The following CCDC178 variants were observed in gnomAD, a reference collection of about 807,000 sequenced individuals.
The protein encoded by CCDC178 is coiled-coil domain containing 178.
Under a neutral mutation model 117.4 loss-of-function variants are expected in CCDC178, and 126 were observed. That is an observed-to-expected ratio of 1.07 (90% confidence interval 0.93 to 1.24). CCDC178 has a LOEUF of 1.24. CCDC178 is among the 50% of genes most tolerant of loss of function. The pLI is 0.00. For synonymous variants in CCDC178, 283 were observed against 313.4 expected (o/e 0.90, Z 1.02); for missense variants, 1,030 against 986.9 (o/e 1.04, Z -0.59).
chr18:33,243,439 T>C (rs1237437908), intron 15 of CCDC178, among the ~76,000 whole-genome samples: 1 of 151,952 alleles, frequency 6.6e-6, no homozygotes, highest in African/African-American at 2.4e-5. Flanking sequence ...TTTGAGATGA[T>C]GGGTATGTTA....
intron 22 of CCDC178, among the ~76,000 whole-genome samples, chr18:32,949,523 A>G (rs1350705066): frequency 6.6e-6 from 1 of 152,108 alleles, no homozygotes; most frequent in African/African-American, 2.4e-5. Flanking sequence ...ATCTGCCACT[A>G]ATCTTATTCT....
chr18:33,328,778 T>G (rs2062623781), intron 10 of CCDC178, among the ~76,000 whole-genome samples: 1 of 152,174 alleles, frequency 6.6e-6, no homozygotes, highest in Non-Finnish European at 1.5e-5. Flanking sequence ...TTATTTTTGC[T>G]ATCTGGGGTT....
intron 11 of CCDC178, among the ~76,000 whole-genome samples, chr18:33,310,454 G>C (rs1221398059): frequency 6.6e-6 from 1 of 152,142 alleles, no homozygotes; most frequent in East Asian, 1.9e-4. Context: ...CACTTTGGGG[G>C]CCAAGGGTAG....
At chr18:33,387,306 C>G (rs2063505843) in intron 5 of CCDC178, among the ~76,000 whole-genome samples, 1 of 152,140 alleles carries the variant, frequency 6.6e-6, no homozygotes, top group African/African-American at 2.4e-5. Context: ...AGATTCAATA[C>G]TATTTCCATT....
chr18:33,193,470 A>G (rs767258780), intron 20 of CCDC178, among the ~76,000 whole-genome samples: 13 of 152,088 alleles, frequency 8.5e-5, no homozygotes, highest in Non-Finnish European at 1.5e-4. Flanking sequence ...TAGACATTTT[A>G]CTGTGGAATG....
At chr18:33,044,952 G>A (rs962574091) in intron 21 of CCDC178, among the ~76,000 whole-genome samples, 9 of 152,122 alleles carry the variant, frequency 5.9e-5, no homozygotes, top group African/African-American at 2.2e-4. Flanking sequence ...CTCAATGGGA[G>A]CCAAACAATG....
intron 4 of CCDC178, among the ~76,000 whole-genome samples, chr18:33,394,984 T>TAA (rs2063616451): frequency 7.4e-6 from 1 of 134,508 alleles, no homozygotes; most frequent in South Asian, 2.3e-4. Context: ...TATATATATA[T>TAA]ATATGTATAC....
intron 14 of CCDC178, among the ~76,000 whole-genome samples, chr18:33,247,131 A>T (rs2059560447): frequency 1.3e-5 from 2 of 151,414 alleles, no homozygotes; most frequent in Admixed American, 1.3e-4. Flanking sequence ...AGACAGAGAC[A>T]GAGAGAGAAA....
At chr18:33,033,964 T>C (rs761258230) in intron 21 of CCDC178, among the ~76,000 whole-genome samples, 12 of 151,946 alleles carry the variant, frequency 7.9e-5, no homozygotes, top group Non-Finnish European at 1.5e-4. Flanking sequence ...TATATAAACA[T>C]GTATACAAAG....
At chr18:33,300,490 G>C (rs1216429109) in intron 11 of CCDC178, among the ~76,000 whole-genome samples, 1 of 152,134 alleles carries the variant, frequency 6.6e-6, no homozygotes, top group African/African-American at 2.4e-5. Flanking sequence ...GGTGAGAGAA[G>C]GTTTGGAACT....
At chr18:33,143,162 T>C (rs1001605603) in intron 20 of CCDC178, among the ~76,000 whole-genome samples, 13 of 152,164 alleles carry the variant, frequency 8.5e-5, no homozygotes, top group Non-Finnish European at 1.5e-5. Flanking sequence ...AGCAGGCAGC[T>C]AGCATTGTGC....
chr18:33,004,979 GAT>G (rs1322739120), intron 21 of CCDC178, among the ~76,000 whole-genome samples: 2 of 152,086 alleles, frequency 1.3e-5, no homozygotes, highest in Non-Finnish European at 2.9e-5. Flanking sequence ...TGCTGGCGAG[GAT>G]ATGGAGAAAA....
At chr18:33,385,428 G>A (rs534635648) in intron 5 of CCDC178, among the ~76,000 whole-genome samples, 2 of 152,028 alleles carry the variant, frequency 1.3e-5, no homozygotes, top group Non-Finnish European at 2.9e-5. Context: ...AGGGTCACAT[G>A]GCACTTACTC....
chr18:33,431,514 C>A (rs183500772), intron 2 of CCDC178, among the ~76,000 whole-genome samples: 1 of 151,980 alleles, frequency 6.6e-6, no homozygotes, highest in Non-Finnish European at 1.5e-5. Flanking sequence ...CAATTTACAC[C>A]AATTCACATT....
chr18:33,303,580 A>G (rs569469334), intron 11 of CCDC178, among the ~76,000 whole-genome samples: 1 of 152,150 alleles, frequency 6.6e-6, no homozygotes, highest in Admixed American at 6.5e-5. Flanking sequence ...TGCAGACAGT[A>G]TGGGGGATGA....
chr18:33,316,454 C>T (rs1360896636), intron 11 of CCDC178, among the ~76,000 whole-genome samples: 1 of 152,024 alleles, frequency 6.6e-6, no homozygotes. Flanking sequence ...ATGCCTGAGC[C>T]CCCCGCACCC....
intron 15 of CCDC178, among the ~76,000 whole-genome samples, chr18:33,244,620 A>C (rs2059525233): frequency 6.6e-6 from 1 of 151,900 alleles, no homozygotes; most frequent in Admixed American, 6.6e-5. Context: ...AGGCCTCCCC[A>C]GCCATGCAGA....
At chr18:33,177,842 T>C (rs2058681362) in intron 20 of CCDC178, among the ~76,000 whole-genome samples, 2 of 152,200 alleles carry the variant, frequency 1.3e-5, no homozygotes, top group Non-Finnish European at 2.9e-5. Flanking sequence ...TCCTTTTCTG[T>C]AGAAACCATT....
intron 9 of CCDC178, among the ~76,000 whole-genome samples, chr18:33,339,884 G>A (rs1302139413): frequency 4.6e-5 from 7 of 151,914 alleles, no homozygotes; most frequent in Middle Eastern, 3.4e-3. Context: ...TCCTAGTCTC[G>A]GGTATGTCTT....
Sources: allele counts gnomAD v4.1 joint callset (sites outside exome capture counted in the v4.1 genomes callset), GRCh38; gene constraint gnomAD v4.1.1; transcripts MANE v1.5; gene names NCBI Gene and HGNC (gene_info 2026-07-23, HGNC 2026-07-21).